The following LRPPRC variants were observed in gnomAD, a reference collection of about 807,000 sequenced individuals.
LRPPRC encodes the protein leucine rich pentatricopeptide repeat containing.
In LRPPRC, 120 loss-of-function variants were observed where a neutral mutation model predicts 180.3. The observed-to-expected ratio is 0.67, with a 90% CI of 0.57 to 0.77. LRPPRC has a LOEUF of 0.77. Among genes scored for constraint, LRPPRC ranks in the 30% least tolerant of loss-of-function variants. LRPPRC has a pLI of 0.00. For synonymous variants in LRPPRC, 723 were observed against 600.0 expected (o/e 1.21, Z -3.00); for missense variants, 2,012 against 1,657.2 (o/e 1.21, Z -3.72).
chr2:43,887,697 T>A lies in LRPPRC; in HGVS notation c.*903A>T, dbSNP rs1264333820. 6.6e-6 allele frequency: 1 copy of A among 152,234 alleles called. No individual in the cohort carries two copies. The highest frequency in any genetic ancestry group is 1.5e-5 in the Non-Finnish European group (1 of 68,026). 9.4% of individuals were successfully genotyped at this position (152,234 alleles called of 1,614,324 possible). ...CTCTCCTGACTACCTATCTTAGAATTTTTTTGAAGTCACTACTTACAGTGT... is the reference window on the plus strand; with the variant it reads ...CTCTCCTGACTACCTATCTTAGAATATTTTTGAAGTCACTACTTACAGTGT... On this transcript the variant is annotated 3_prime_UTR_variant, in exon 38 of 38. Coordinates refer to ENST00000260665, the MANE Select transcript of LRPPRC (RefSeq NM_133259.4).
At chr2:43,898,850 C>T (rs1370058402) in intron 34 of LRPPRC, among the ~76,000 whole-genome samples, 1 of 152,096 alleles carries the variant, frequency 6.6e-6, no homozygotes, top group Non-Finnish European at 1.5e-5. Context: ...CAGTATCTAG[C>T]GCATTTGAGA....
intron 8 of LRPPRC, 143 bp downstream of exon 8, chr2:43,974,471 G>C (rs940184175): frequency 1.2e-6 from 1 of 801,452 alleles, no homozygotes; most frequent in African/African-American, 1.7e-5. Flanking sequence ...ATTAACTCAT[G>C]TTTTTGGGCT....
At chr2:43,939,379 C>A (rs1485798615) in intron 23 of LRPPRC, among the ~76,000 whole-genome samples, 1 of 152,076 alleles carries the variant, frequency 6.6e-6, no homozygotes, top group Non-Finnish European at 1.5e-5. Flanking sequence ...GTACTTTAAA[C>A]TTATACATTG....
chr2:43,915,011 C>G (rs776468505), intron 29 of LRPPRC, among the ~76,000 whole-genome samples: 3 of 140,988 alleles, frequency 2.1e-5, no homozygotes, highest in Non-Finnish European at 4.5e-5. Context: ...AGTTTGACAC[C>G]AGCCTGGCCA....
At chr2:43,937,172 T>C (rs1245187371) in intron 23 of LRPPRC, among the ~76,000 whole-genome samples, 2 of 152,168 alleles carry the variant, frequency 1.3e-5, no homozygotes, top group Non-Finnish European at 2.9e-5. Flanking sequence ...TCTCCAAATA[T>C]ATGCTTCTGA....
intron 27 of LRPPRC, among the ~76,000 whole-genome samples, chr2:43,919,100 CAG>C (rs1436058849): frequency 0.015 from 2,236 of 152,188 alleles, 60 homozygotes; most frequent in African/African-American, 0.05. Flanking sequence ...CCTGTCAGAT[CAG>C]CGGCAGCATT....
At chr2:43,961,397 G>C (rs1332658941) in intron 12 of LRPPRC, among the ~76,000 whole-genome samples, 1 of 152,110 alleles carries the variant, frequency 6.6e-6, no homozygotes, top group Non-Finnish European at 1.5e-5. Flanking sequence ...TTAAACTATA[G>C]CCTCTGTCAA....
chr2:43,983,303 T>A (rs1300220011), intron 1 of LRPPRC, among the ~76,000 whole-genome samples: 2 of 150,982 alleles, frequency 1.3e-5, no homozygotes, highest in Non-Finnish European at 1.5e-5. Flanking sequence ...TACCTTTTTT[T>A]AAAATAAACA....
At chr2:43,933,394 T>C (rs572543958) in intron 25 of LRPPRC, among the ~76,000 whole-genome samples, 6 of 152,310 alleles carry the variant, frequency 3.9e-5, no homozygotes, top group East Asian at 3.9e-4. Flanking sequence ...GAAAACGACA[T>C]TGACCAAAAG....
chr2:43,948,136 G>A lies in LRPPRC; in HGVS notation c.1906C>T (p.Pro636Ser), dbSNP rs1296912885. ...IRNLLESYHVPELIKDAHLLV... is the reference protein window; with the variant it reads ...IRNLLESYHVSELIKDAHLLV... The stretch of plus-strand genomic sequence containing the variant: ...TTCACACACACCTTAATCAATTCAG[G>A]AACATGGTAGCTTTCCAGGAGATTA... The change falls in exon 18 of 38, where the codon CCT (proline) becomes TCT (serine). Residue 636 changes from proline (P) to serine (S), a missense_variant. Transcript: ENST00000260665. 5.6e-6 allele frequency: 9 copies of A among 1,597,842 alleles called. No homozygotes were observed. The East Asian group carries it at 2.0e-4, about 36-fold the overall frequency.
At chr2:43,973,429 T>C (rs1195398884) in intron 11 of LRPPRC, among the ~76,000 whole-genome samples, 178 bp downstream of exon 11, 2 of 152,144 alleles carry the variant, frequency 1.3e-5, no homozygotes, top group African/African-American at 2.4e-5. Flanking sequence ...AAGAAATCCA[T>C]CATGTTTTGT....
Position 43,995,851 on chromosome 2 carries a change from G to C in LRPPRC, c.97C>G (p.Arg33Gly). ...GGCAGATAGGAGGCGGCATGCAGCC[G>C]GCCCGGGCCGCCAGGGAGGAGGCGC... ...SLRLLPGGPG[R>G]LHAASYLPAA... Residue 33 changes from arginine (R) to glycine (G), a missense_variant, in exon 1 of 38, where the codon CGG becomes GGG. Coordinates refer to ENST00000260665, the MANE Select transcript of LRPPRC (RefSeq NM_133259.4). 6.8e-7 allele frequency: 1 copy of C among 1,479,516 alleles called. No individual in the cohort carries two copies. Among genetic ancestry groups the C allele is most frequent in the Non-Finnish European group, 8.9e-7 (1 of 1,123,330 alleles). 91.6% of individuals were successfully genotyped at this position (1,479,516 alleles called of 1,614,324 possible).
chr2:43,953,968 A>T (rs1257060016), intron 14 of LRPPRC, among the ~76,000 whole-genome samples: 1 of 152,162 alleles, frequency 6.6e-6, no homozygotes, highest in African/African-American at 2.4e-5. Flanking sequence ...CCAGGAATTT[A>T]ACACCACCCT....
chr2:43,953,314 G>A (rs1418885672), intron 14 of LRPPRC, among the ~76,000 whole-genome samples: 1 of 152,158 alleles, frequency 6.6e-6, no homozygotes, highest in Non-Finnish European at 1.5e-5. Flanking sequence ...AAAATGCCAA[G>A]TTACCACAAC....
intron 23 of LRPPRC, among the ~76,000 whole-genome samples, chr2:43,936,236 C>T (rs887514979): frequency 2.0e-5 from 3 of 152,018 alleles, no homozygotes; most frequent in African/African-American, 4.8e-5. Context: ...GAGGAAGGTA[C>T]TAGGTAAGCA....
Position 43,977,156 on chromosome 2 carries a change from C to T in LRPPRC, c.590G>A (p.Arg197Gln), listed in dbSNP as rs761710175. ...ATATTCACAATAGCAACTACTTACT[C>T]GATTTGGTTGAATGTTTGCTTCCTC... ...KMEEANIQPN[R>Q]VTYQRLIASY... Residue 197 changes from arginine to glutamine, a missense_variant and splice_region_variant, in exon 4 of 38, where the codon CGA (arginine) becomes CAA (glutamine). Arg to Gln is a conservative substitution (Grantham distance 43). Coordinates refer to ENST00000260665, the MANE Select transcript of LRPPRC (RefSeq NM_133259.4). 4.3e-6 allele frequency: 7 copies of T among 1,611,840 alleles called. No homozygotes were observed. The highest frequency in any genetic ancestry group is 3.3e-5 in the South Asian group (3 of 91,008).
At chr2:43,972,233 C>G (rs906912403) in intron 11 of LRPPRC, among the ~76,000 whole-genome samples, 4 of 152,164 alleles carry the variant, frequency 2.6e-5, no homozygotes, top group Non-Finnish European at 4.4e-5. Flanking sequence ...CCTTCATTCA[C>G]GTAATGTGAG....
intron 25 of LRPPRC, among the ~76,000 whole-genome samples, chr2:43,927,594 G>T (rs937060506): frequency 6.6e-6 from 1 of 152,124 alleles, no homozygotes; most frequent in African/African-American, 2.4e-5. Flanking sequence ...TATACTAAAA[G>T]CCCTTGAAAA....
chr2:43,963,400 T>C (rs975545882), intron 12 of LRPPRC, 188 bp downstream of exon 12: 10 of 632,968 alleles, frequency 1.6e-5, no homozygotes, highest in Middle Eastern at 4.2e-4. Context: ...GCCAAGATTG[T>C]GCCATTGCAC....
Sources: allele counts gnomAD v4.1 joint callset (sites outside exome capture counted in the v4.1 genomes callset), GRCh38; gene constraint gnomAD v4.1.1; transcripts MANE v1.5; gene names NCBI Gene and HGNC (gene_info 2026-07-23, HGNC 2026-07-21).